The following GDPD5 variants were observed in gnomAD, a reference collection of about 807,000 sequenced individuals.
GDPD5 encodes glycerophosphodiester phosphodiesterase domain containing 5.
In GDPD5, 48 loss-of-function variants were observed where a neutral mutation model predicts 75.1. That is an observed-to-expected ratio of 0.64 (90% CI 0.51 to 0.81). The LOEUF (loss-of-function observed/expected upper bound fraction) is 0.81. GDPD5 is among the 40% of genes least tolerant of loss of function. The probability of loss-of-function intolerance (pLI) is 0.00; values close to 1 mark genes in which losing one functional copy is unlikely to be tolerated. For synonymous variants in GDPD5, 336 were observed against 339.0 expected, an observed-to-expected ratio of 0.99 and a Z score of 0.10; for missense variants, 706 against 822.6, an observed-to-expected ratio of 0.86 and a Z score of 1.73.
chr11:75,445,186 G>A (rs1194279786), intron 9 of GDPD5, among the ~76,000 whole-genome samples: 1 of 152,144 alleles, frequency 6.6e-6, no homozygotes, highest in East Asian at 1.9e-4. Flanking sequence ...AGGTCTTGCT[G>A]TCACCCAGGC....
intron 10 of GDPD5, 48 bp from the exon 11 acceptor site, chr11:75,443,334 A>G: frequency 6.4e-7 from 1 of 1,559,576 alleles, no homozygotes; most frequent in South Asian, 1.2e-5. Context: ...CAGATCCTTT[A>G]CCTGCCCACC....
chr11:75,484,074 G>GTAGTGGCAGGCGC (rs1451570036), intron 2 of GDPD5, among the ~76,000 whole-genome samples: 40 of 152,184 alleles, frequency 2.6e-4, no homozygotes, highest in Non-Finnish European at 4.1e-4. Context: ...TGTAATCCCA[G>GTAGTGGCAGGCGC]CTATTTGGGA....
In GDPD5 at chr11:75,435,629, C is replaced by A. The variant is rs749608394; in HGVS notation, c.1696G>T (p.Asp566Tyr). The change falls in exon 17 of 17, where the codon GAT becomes TAT. Residue 566 changes from aspartate (D) to tyrosine (Y), a missense_variant. Coordinates refer to ENST00000336898, the MANE Select transcript of GDPD5 (RefSeq NM_030792.8). ...TTGTCTGAACATACGGAGAGCACAT[C>A]GGAGACCTCTACACCATCGCTGATC... Reference protein sequence around the residue: ...SEISDGVEVSDVLSVCSDNSY... With the variant: ...SEISDGVEVSYVLSVCSDNSY... The A allele has an allele frequency of 6.2e-7, 1 of 1,613,276 alleles. No individual in the cohort carries two copies. The highest frequency in any genetic ancestry group is 1.1e-5 in the South Asian group (1 of 90,988).
At chr11:75,466,741 C>T (rs536728621) in intron 3 of GDPD5, among the ~76,000 whole-genome samples, 18 of 152,278 alleles carry the variant, frequency 1.2e-4, no homozygotes, top group East Asian at 3.9e-4. Flanking sequence ...CATATTATGA[C>T]GATTTGCTGG....
At chr11:75,493,983 C>T (rs2135427979) in intron 1 of GDPD5, among the ~76,000 whole-genome samples, 1 of 152,008 alleles carries the variant, frequency 6.6e-6, no homozygotes, top group East Asian at 1.9e-4. Context: ...TTTAAATTTG[C>T]AACTAGATGG....
chr11:75,449,833 A>G, intron 7 of GDPD5, 52 bp downstream of exon 7: 2 of 1,557,046 alleles, frequency 1.3e-6, no homozygotes, highest in Non-Finnish European at 1.8e-6. Flanking sequence ...GAGAAAGGGA[A>G]GTGACAGAAA....
At chr11:75,480,001 C>T (rs1949871865) in intron 2 of GDPD5, among the ~76,000 whole-genome samples, 1 of 152,170 alleles carries the variant, frequency 6.6e-6, no homozygotes, top group Non-Finnish European at 1.5e-5. Flanking sequence ...ATACATAATG[C>T]TTCTGTGAAT....
intron 1 of GDPD5, among the ~76,000 whole-genome samples, chr11:75,498,105 G>A (rs1950244073): frequency 6.7e-6 from 1 of 149,692 alleles, no homozygotes; most frequent in Admixed American, 6.6e-5. Flanking sequence ...TGGAGGGGGG[G>A]CTGACTCCCA....
In GDPD5 at chr11:75,477,599, C is replaced by T; in HGVS notation, c.117+20G>A. On this transcript the variant is annotated intron_variant, in intron 3 of 16. Coordinates refer to ENST00000336898, the MANE Select transcript of GDPD5 (RefSeq NM_030792.8). Reference sequence around the variant, plus strand: ...CTGGGGCTCACTGGGTCCCTCTGACCCTGTTCCAGGGTGGCTCACCGGTGT... The same window carrying T: ...CTGGGGCTCACTGGGTCCCTCTGACTCTGTTCCAGGGTGGCTCACCGGTGT... The T allele has an allele frequency of 6.6e-7, 1 of 1,523,094 alleles. No homozygotes were observed. The highest frequency in any genetic ancestry group is 8.9e-7 in the Non-Finnish European group (1 of 1,118,086). 94.3% of individuals were successfully genotyped at this position (1,523,094 alleles called of 1,614,324 possible).
Position 75,442,961 on chromosome 11 carries a change from C to G in GDPD5, c.948+175G>C, listed in dbSNP as rs528511748. The G allele has an allele frequency of 4.6e-4, 329 of 711,306 alleles. 1 individual carries two copies. The highest frequency in any genetic ancestry group is 5.5e-4 in the Non-Finnish European group (223 of 407,702). 44.1% of individuals were successfully genotyped at this position (711,306 alleles called of 1,614,324 possible). A position where few individuals can be genotyped will look rare whatever the true frequency, so the allele number is the denominator to read the frequency against. On this transcript the variant is annotated intron_variant, in intron 11 of 16. Coordinates refer to ENST00000336898, the MANE Select transcript of GDPD5 (RefSeq NM_030792.8). ...TGGACCCAGAACAAGCAGTGACAAC[C>G]ATGAGTCTGGCAGCAGTGGCAGGAG...
At chr11:75,464,728 G>A (rs1055135515) in intron 3 of GDPD5, among the ~76,000 whole-genome samples, 9 of 152,182 alleles carry the variant, frequency 5.9e-5, no homozygotes, top group African/African-American at 2.2e-4. Context: ...TAGGCCACTT[G>A]TGTCTGCCCC....
At chr11:75,480,813 T>A (rs1949897391) in intron 2 of GDPD5, among the ~76,000 whole-genome samples, 1 of 152,144 alleles carries the variant, frequency 6.6e-6, no homozygotes, top group East Asian at 1.9e-4. Flanking sequence ...TTGTGAAGAG[T>A]CAAAACAAAA....
At chr11:75,474,566 G>A (rs1323806060) in intron 3 of GDPD5, among the ~76,000 whole-genome samples, 1 of 152,102 alleles carries the variant, frequency 6.6e-6, no homozygotes, top group African/African-American at 2.4e-5. Flanking sequence ...CACCTCTCTG[G>A]TCCTTGGTTT....
intron 9 of GDPD5, 54 bp downstream of exon 9, chr11:75,448,920 TCCC>T (rs147640219): frequency 8.0e-6 from 12 of 1,501,858 alleles, no homozygotes; most frequent in Non-Finnish European, 1.1e-5. Flanking sequence ...CCCAAGAAGG[TCCC>T]CCCCATCGCA....
intron 3 of GDPD5, among the ~76,000 whole-genome samples, chr11:75,469,174 G>A (rs2135330459): frequency 6.6e-6 from 1 of 152,294 alleles, no homozygotes; most frequent in Admixed American, 6.5e-5. Flanking sequence ...CAGAGGCCAG[G>A]CCTGGCTCTG....
At chr11:75,489,264 T>C (rs1950068001) in intron 2 of GDPD5, among the ~76,000 whole-genome samples, 1 of 152,218 alleles carries the variant, frequency 6.6e-6, no homozygotes, top group Non-Finnish European at 1.5e-5. Flanking sequence ...CTGTACCATA[T>C]CTAGTGTAAG....
At chr11:75,469,394 G>C (rs551877017) in intron 3 of GDPD5, among the ~76,000 whole-genome samples, 82 of 152,200 alleles carry the variant, frequency 5.4e-4, no homozygotes, top group Admixed American at 1.6e-3. Flanking sequence ...AAGCAGAGGA[G>C]ACCAAGTCAC....
intron 2 of GDPD5, among the ~76,000 whole-genome samples, chr11:75,482,584 T>A (rs890396654): frequency 6.6e-6 from 1 of 152,160 alleles, no homozygotes; most frequent in African/African-American, 2.4e-5. Flanking sequence ...TGGGGACTCC[T>A]CCAGATTCCT....
intron 8 of GDPD5, 59 bp downstream of exon 8, chr11:75,449,458 C>T: frequency 6.7e-7 from 1 of 1,486,854 alleles, no homozygotes; most frequent in South Asian, 1.2e-5. Context: ...CGGGGCAGCA[C>T]CAGCTGGTCT....
Sources: allele counts gnomAD v4.1 joint callset (sites outside exome capture counted in the v4.1 genomes callset), GRCh38; gene constraint gnomAD v4.1.1; transcripts MANE v1.5; gene names NCBI Gene and HGNC (gene_info 2026-07-23, HGNC 2026-07-21).